The following WDR11 variants were observed in gnomAD, a reference collection of about 807,000 sequenced individuals.
WDR11 encodes the protein WD repeat domain 11, also known as WD repeat-containing protein 11.
WDR11 carries 83 observed loss-of-function variants against 151.2 expected under a neutral mutation model. The observed-to-expected ratio is 0.55, with a 90% confidence interval of 0.46 to 0.66. The LOEUF (loss-of-function observed/expected upper bound fraction) is 0.66. Among genes scored for constraint, WDR11 ranks in the 30% least tolerant of loss-of-function variants. WDR11 has a pLI of 0.00. For missense variants in WDR11, 1,301 were observed against 1,480.9 expected, an observed-to-expected ratio of 0.88 and a Z score of 1.99; for synonymous variants, 484 against 533.1, an observed-to-expected ratio of 0.91 and a Z score of 1.27.
rs202118226 is a variant in WDR11, at chr10:120,886,732, A to G, written c.2017A>G (p.Ile673Val). The G allele has an allele frequency of 6.2e-7, 1 of 1,614,084 alleles. No homozygotes were observed. The highest frequency in any genetic ancestry group is 8.5e-7 in the Non-Finnish European group (1 of 1,179,988). Residue 673 changes from isoleucine (I) to valine (V), a missense_variant, in exon 16 of 29, where the codon ATC becomes GTC. By Grantham distance (29) the Ile-to-Val change is conservative. This residue lies in a region of WDR11 where 589 missense variants were observed against 670.6 expected (regional missense o/e 0.88). Transcript: ENST00000263461. ...AESKSELSQN[I>V]SAREHFVFTD... ...AAGTAAATCTGAACTTAGTCAGAAC[A>G]TCTCTGCCCGGGAACATTTTGTATT...
intron 9 of WDR11, among the ~76,000 whole-genome samples, chr10:120,868,443 C>T (rs545561631): frequency 7.9e-5 from 12 of 151,920 alleles, no homozygotes; most frequent in African/African-American, 2.2e-4. Flanking sequence ...GGCAACAGAG[C>T]GAGACTCGAT....
chr10:120,852,430 A>G (rs1467044617), intron 1 of WDR11, 94 bp from the exon 2 acceptor site: 2 of 976,910 alleles, frequency 2.0e-6, no homozygotes, highest in African/African-American at 1.6e-5. Flanking sequence ...ATGGTGGTAC[A>G]TATGAATTAG....
At chr10:120,899,788 A>T (rs529819991) in intron 19 of WDR11, 123 of 537,992 alleles carry the variant, frequency 2.3e-4, no homozygotes, top group East Asian at 9.3e-4. Flanking sequence ...GTCTCAAAAA[A>T]AAAATAAAAT....
Position 120,865,129 on chromosome 10 carries a change from C to G in WDR11, c.796C>G (p.Arg266Gly), listed in dbSNP as rs1027952902. 1.2e-6 allele frequency: 2 copies of G among 1,613,856 alleles called. No individual in the cohort carries two copies. The highest frequency in any genetic ancestry group is 1.7e-6 in the Non-Finnish European group (2 of 1,179,846). ...GAATCACATGTTGTTGCTCTATCCT[C>G]GAGAGATTTTAATCCTTGACCTTGA... ...KRNHMLLLYPREILILDLEVN... is the reference protein window; with the variant it reads ...KRNHMLLLYPGEILILDLEVN... Residue 266 changes from arginine (R) to glycine (G), a missense_variant, in exon 6 of 29, where the codon CGA (arginine) becomes GGA (glycine). This residue lies in a region of WDR11 where 692 missense variants were observed against 762.5 expected (regional missense o/e 0.91). Transcript: ENST00000263461.
chr10:120,888,837 T>C (rs570439111), intron 16 of WDR11, among the ~76,000 whole-genome samples: 2 of 152,112 alleles, frequency 1.3e-5, no homozygotes, highest in South Asian at 4.2e-4. Flanking sequence ...AGACATCCCC[T>C]CTCTTTAAAT....
intron 11 of WDR11, among the ~76,000 whole-genome samples, chr10:120,874,186 TTTTTTTGTTGTTGTTGTTG>T (rs1846656555): frequency 2.1e-5 from 2 of 96,924 alleles, no homozygotes; most frequent in Non-Finnish European, 4.4e-5. Context: ...GTTTTTTTTT[TTTTTTTGTTGTTGTTGTTG>T]TTGTTTGTTT....
chr10:120,901,247 C>G, intron 21 of WDR11, 149 bp downstream of exon 21: 3 of 727,816 alleles, frequency 4.1e-6, no homozygotes, highest in Non-Finnish European at 7.1e-6. Context: ...GTTTGCTTCC[C>G]GTTAGAGTCT....
chr10:120,868,564 G>A (rs1446559732), intron 9 of WDR11: 2 of 152,118 alleles, frequency 1.3e-5, no homozygotes, highest in South Asian at 2.1e-4. Context: ...ATATTACCTT[G>A]GTACAGCTTT....
In WDR11 at chr10:120,873,862, G is replaced by T. The variant is rs752389413; in HGVS notation, c.1495G>T (p.Val499Leu). 24 of 1,613,028 alleles carry T rather than the reference G, an allele frequency of 1.5e-5. No homozygotes were observed. In the East Asian group the frequency reaches 3.6e-4, roughly 24 times the overall value. Residue 499 changes from valine (V) to leucine (L), a missense_variant, in exon 11 of 29, where the codon GTG becomes TTG. Val to Leu is a conservative substitution (Grantham distance 32). Transcript: ENST00000263461. ...AGGTACAAGTAATGGTTCTGTCCTGGTGTACCATCTCACCAGTGGTCTGCT... is the reference window on the plus strand; with the variant it reads ...AGGTACAAGTAATGGTTCTGTCCTGTTGTACCATCTCACCAGTGGTCTGCT... The part of the protein sequence containing the change: ...AVGTSNGSVL[V>L]YHLTSGLLHK...
chr10:120,878,271 T>C (rs1846871774), intron 11 of WDR11, 82 bp from the exon 12 acceptor site: 1 of 1,162,534 alleles, frequency 8.6e-7, no homozygotes, highest in South Asian at 1.4e-5. Context: ...TTTAGGTCTT[T>C]GGAAAACTTA....
intron 21 of WDR11, 139 bp downstream of exon 21, chr10:120,901,237 G>A (rs1475836929): frequency 2.6e-6 from 2 of 774,000 alleles, no homozygotes; most frequent in East Asian, 5.3e-5. Context: ...CTGTTTAGAG[G>A]TTTGCTTCCC....
intron 5 of WDR11, 25 bp from the exon 6 acceptor site, chr10:120,865,022 C>A (rs1027439002): frequency 6.2e-7 from 1 of 1,612,802 alleles, no homozygotes; most frequent in East Asian, 2.2e-5. Context: ...AGTCTTTGAC[C>A]CAAGTGAATG....
rs11199636 is a variant in WDR11, at chr10:120,901,261, T to C, written c.2687+163T>C. On this transcript the variant is annotated intron_variant, in intron 21 of 28. Coordinates refer to ENST00000263461, the MANE Select transcript of WDR11 (RefSeq NM_018117.12). ...GGTTTGCTTCCCGTTAGAGTCTGTG[T>C]TTTGCAGAAAAAGTACTTATTCAGT... Among the ~76,000 whole-genome samples, 56,638 of 152,044 alleles carry C rather than the reference T, an allele frequency of 0.37. 10,644 individuals carry two copies. The highest frequency in any genetic ancestry group is 0.44 in the Admixed American group (6,708 of 15,278).
At chr10:120,879,298 G>T (rs1846913203) in intron 12 of WDR11, 1 of 152,116 alleles carries the variant, frequency 6.6e-6, no homozygotes, top group South Asian at 2.1e-4. Flanking sequence ...CAAAGATCCA[G>T]TTGTTCTTAC....
intron 12 of WDR11, chr10:120,880,624 A>G: frequency 1.9e-6 from 1 of 520,752 alleles, no homozygotes; most frequent in Non-Finnish European, 3.4e-6. Flanking sequence ...GCGCCATTGC[A>G]CTCCAGCCTG....
intron 1 of WDR11, 95 bp from the exon 2 acceptor site, chr10:120,852,429 C>T: frequency 2.1e-6 from 2 of 948,798 alleles, no homozygotes; most frequent in South Asian, 2.8e-5. Flanking sequence ...AATGGTGGTA[C>T]ATATGAATTA....
chr10:120,891,699 T>C (rs1185808387), intron 19 of WDR11, among the ~76,000 whole-genome samples: 3 of 152,218 alleles, frequency 2.0e-5, no homozygotes, highest in African/African-American at 7.2e-5. Context: ...TATTTGGCAC[T>C]TCAGACACAG....
At chr10:120,905,624 G>C in intron 26 of WDR11, 1 of 794,544 alleles carries the variant, frequency 1.3e-6, no homozygotes, top group Non-Finnish European at 2.0e-6. Context: ...TAGCAATTAA[G>C]TAAAAGCAGC....
chr10:120,884,313 A>G (rs1302737887), intron 14 of WDR11, among the ~76,000 whole-genome samples: 7 of 152,168 alleles, frequency 4.6e-5, no homozygotes, highest in African/African-American at 1.7e-4. Context: ...AAGTGAGTCA[A>G]CCTAATAAAG....
Sources: gnomAD v4.1 joint callset for allele counts (sites outside exome capture counted in the v4.1 genomes callset) on GRCh38, gnomAD v4.1.1 for gene constraint, gnomAD v4.1.1 regional missense constraint, MANE v1.5 for transcripts, NCBI Gene and HGNC (gene_info 2026-07-23, HGNC 2026-07-21) for gene names.